Variants in LPP observed in about 807,000 individuals in gnomAD.
LPP encodes LIM domain containing preferred translocation partner in lipoma.
Under a neutral mutation model 60.4 loss-of-function variants are expected in LPP, and 38 were observed. That is an observed-to-expected ratio of 0.63 (90% CI 0.49 to 0.83). The LOEUF is 0.83. LPP is among the 40% of genes least tolerant of loss of function. The pLI is 0.00. For synonymous variants in LPP, 328 were observed against 290.8 expected (o/e 1.13, Z -1.30); for missense variants, 902 against 783.6 (o/e 1.15, Z -1.80).
chr3:188,430,127 TAA>T (rs1302261246), intron 4 of LPP, among the ~76,000 whole-genome samples: 5 of 152,076 alleles, frequency 3.3e-5, no homozygotes, highest in African/African-American at 1.2e-4. Context: ...GCTTAATAAA[TAA>T]GTTATTATTT....
intron 3 of LPP, among the ~76,000 whole-genome samples, chr3:188,397,259 C>T (rs1050525869): frequency 1.3e-5 from 2 of 152,172 alleles, no homozygotes; most frequent in Admixed American, 6.5e-5. Flanking sequence ...TGCTCTATTA[C>T]ATTGGATAAG....
intron 8 of LPP, among the ~76,000 whole-genome samples, chr3:188,731,477 G>A (rs935746048): frequency 2.6e-5 from 3 of 117,266 alleles, no homozygotes; most frequent in African/African-American, 2.8e-5. Flanking sequence ...ATTTTCCTTG[G>A]CATTGGTCAT....
At chr3:188,779,438 A>G (rs1471828724) in intron 9 of LPP, among the ~76,000 whole-genome samples, 1 of 152,214 alleles carries the variant, frequency 6.6e-6, no homozygotes, top group Non-Finnish European at 1.5e-5. Context: ...GGACCCTTCA[A>G]ACTCATCACA....
chr3:188,715,574 T>C (rs765854222), intron 8 of LPP, among the ~76,000 whole-genome samples: 1 of 152,108 alleles, frequency 6.6e-6, no homozygotes, highest in Non-Finnish European at 1.5e-5. Flanking sequence ...AGTTTTAAAG[T>C]TTGTTTTTTC....
intron 9 of LPP, among the ~76,000 whole-genome samples, chr3:188,858,668 T>A (rs1764404463): frequency 6.6e-6 from 1 of 152,240 alleles, no homozygotes; most frequent in South Asian, 2.1e-4. Context: ...CTTATGGTTT[T>A]AGGGCATATT....
At chr3:188,300,737 A>G (rs918178820) in intron 2 of LPP, among the ~76,000 whole-genome samples, 1 of 152,194 alleles carries the variant, frequency 6.6e-6, no homozygotes, top group African/African-American at 2.4e-5. Context: ...GCCTTATGCC[A>G]TCTGGAAGAC....
chr3:188,277,651 G>T (rs1740451841), intron 2 of LPP, among the ~76,000 whole-genome samples: 1 of 152,214 alleles, frequency 6.6e-6, no homozygotes. Flanking sequence ...GACATGGACT[G>T]TGTTAAAGTG....
rs982897620 is a variant in LPP at position 188,877,873 on chromosome 3, T to G, written c.*3394T>G. 9.3e-6 allele frequency: 2 copies of G among 216,204 alleles called. No homozygotes were observed. Among genetic ancestry groups the G allele is most frequent in the African/African-American group, 2.3e-5 (1 of 44,404 alleles). 13.4% of individuals were successfully genotyped at this position (216,204 alleles called of 1,614,324 possible). ...TTTTCTTGTCATTAACACATTGTTA[T>G]TTCTGTAGGAGCAACTTCTCTGATC... On this transcript the variant is annotated 3_prime_UTR_variant, in exon 12 of 12. Transcript: ENST00000617246.
At chr3:188,410,014 T>TA (rs1379662819) in intron 4 of LPP, among the ~76,000 whole-genome samples, 1 of 152,222 alleles carries the variant, frequency 6.6e-6, no homozygotes, top group East Asian at 1.9e-4. Context: ...ATGCATTGCC[T>TA]ACAATTCTTA....
chr3:188,406,175 G>A lies in LPP; in HGVS notation c.55G>A (p.Val19Met). 1 of 1,614,130 alleles carries A rather than the reference G, an allele frequency of 6.2e-7. No individual in the cohort carries two copies. Among genetic ancestry groups the A allele is most frequent in the Non-Finnish European group, 8.5e-7 (1 of 1,179,990 alleles). ...PKSTGEPLGHVPARMETTHSF... is the reference protein window; with the variant it reads ...PKSTGEPLGHMPARMETTHSF... ...AAGCACTGGTGAGCCCCTCGGCCAT[G>A]TGCCTGCACGGATGGAGACCACCCA... Residue 19 changes from valine (V) to methionine (M), a missense_variant, in exon 4 of 12, where the codon GTG becomes ATG. By Grantham distance (21) the Val-to-Met change is conservative (BLOSUM62 1). Transcript: ENST00000617246.
chr3:188,233,332 T>G (rs1720751499), intron 2 of LPP, among the ~76,000 whole-genome samples: 1 of 152,114 alleles, frequency 6.6e-6, no homozygotes, highest in African/African-American at 2.4e-5. Flanking sequence ...AGTCCAGGGG[T>G]GAATTCTACT....
intron 2 of LPP, among the ~76,000 whole-genome samples, chr3:188,287,281 T>G (rs958188130): frequency 1.3e-5 from 2 of 152,226 alleles, no homozygotes; most frequent in Non-Finnish European, 2.9e-5. Context: ...TCATGGATAC[T>G]GGGGCTTGCC....
intron 2 of LPP, among the ~76,000 whole-genome samples, chr3:188,321,012 A>G (rs898514427): frequency 2.0e-5 from 3 of 152,204 alleles, no homozygotes; most frequent in East Asian, 1.9e-4. Context: ...ATCCTCACAT[A>G]TAAGATGGAG....
intron 5 of LPP, among the ~76,000 whole-genome samples, chr3:188,519,907 C>T (rs1030985950): frequency 3.3e-5 from 5 of 152,128 alleles, no homozygotes; most frequent in Admixed American, 2.6e-4. Context: ...GCTGGTACTC[C>T]TCGTCTATCA....
intron 7 of LPP, among the ~76,000 whole-genome samples, chr3:188,663,988 A>C (rs1227078033): frequency 6.6e-6 from 1 of 152,218 alleles, no homozygotes; most frequent in Non-Finnish European, 1.5e-5. Flanking sequence ...AAGGACCACT[A>C]TCAGTCCATA....
At chr3:188,468,252 T>G (rs1800953670) in intron 4 of LPP, among the ~76,000 whole-genome samples, 1 of 152,156 alleles carries the variant, frequency 6.6e-6, no homozygotes, top group African/African-American at 2.4e-5. Context: ...GTAATGTGAG[T>G]CTATGGACTA....
intron 2 of LPP, among the ~76,000 whole-genome samples, chr3:188,242,243 G>A (rs1725203103): frequency 6.6e-6 from 1 of 151,982 alleles, no homozygotes; most frequent in African/African-American, 2.4e-5. Context: ...GATTTCTACT[G>A]GGTTTGTTCA....
At chr3:188,687,775 C>CTTTTTTTTTTTTTTTTTTTTTTTT (rs61574227) in intron 7 of LPP, among the ~76,000 whole-genome samples, 1 of 127,124 alleles carries the variant, frequency 7.9e-6, no homozygotes, top group Non-Finnish European at 1.6e-5. Context: ...GTCTTATACT[C>CTTTTTTTTTTTTTTTTTTTTTTTT]TTTTTTTTTT....
chr3:188,655,779 A>G (rs1853055786), intron 7 of LPP, among the ~76,000 whole-genome samples: 1 of 152,206 alleles, frequency 6.6e-6, no homozygotes, highest in Non-Finnish European at 1.5e-5. Context: ...GTTTATTTAA[A>G]TTAAATAATC....
Sources: gnomAD v4.1 joint callset for allele counts (sites outside exome capture counted in the v4.1 genomes callset) on GRCh38, gnomAD v4.1.1 for gene constraint, MANE v1.5 for transcripts, NCBI Gene and HGNC (gene_info 2026-07-23, HGNC 2026-07-21) for gene names.